Variants in CRACDL observed in about 807,000 individuals in gnomAD.
CRACDL encodes the protein CRACD like.
CRACDL carries 26 observed loss-of-function variants against 70.6 expected under a neutral mutation model. The observed-to-expected ratio is 0.37, with a 90% CI of 0.27 to 0.51. CRACDL has a LOEUF of 0.51. Among genes scored for constraint, CRACDL ranks in the 20% least tolerant of loss-of-function variants. The pLI is 0.94. For missense variants in CRACDL, 1,283 were observed against 1,376.9 expected (o/e 0.93, Z 1.08); for synonymous variants, 618 against 615.2 (o/e 1.00, Z -0.07).
intron 1 of CRACDL, among the ~76,000 whole-genome samples, chr2:98,860,566 T>C (rs1479621957): frequency 6.6e-6 from 1 of 152,144 alleles, no homozygotes; most frequent in Non-Finnish European, 1.5e-5. Context: ...CAAGTAGACA[T>C]CGACATGCAA....
intron 1 of CRACDL, among the ~76,000 whole-genome samples, chr2:98,854,297 A>AAG (rs1553561465): frequency 5.0e-4 from 75 of 149,034 alleles, no homozygotes; most frequent in African/African-American, 1.8e-3. Flanking sequence ...AAAAAAAAAA[A>AAG]AAAGAAAGAA....
intron 1 of CRACDL, among the ~76,000 whole-genome samples, chr2:98,929,292 C>T (rs114356127): frequency 0.017 from 2,597 of 152,272 alleles, 28 homozygotes; most frequent in Middle Eastern, 0.034. Context: ...AGGGAGAGAA[C>T]CCGAGAGCCA....
intron 1 of CRACDL, among the ~76,000 whole-genome samples, chr2:98,883,063 G>C (rs1275749106): frequency 6.6e-6 from 1 of 152,242 alleles, no homozygotes; most frequent in African/African-American, 2.4e-5. Flanking sequence ...ACCTAGCAAA[G>C]GATGAAGCGT....
intron 1 of CRACDL, among the ~76,000 whole-genome samples, chr2:98,882,990 C>T (rs1282438656): frequency 6.6e-6 from 1 of 152,166 alleles, no homozygotes; most frequent in African/African-American, 2.4e-5. Context: ...CAAGCTTTGG[C>T]CCATCCCCTG....
chr2:98,854,544 G>T (rs548705883), intron 1 of CRACDL, among the ~76,000 whole-genome samples: 1 of 151,762 alleles, frequency 6.6e-6, no homozygotes, highest in Non-Finnish European at 1.5e-5. Context: ...GTAAGTGACT[G>T]GTAGAGAGAA....
intron 7 of CRACDL, among the ~76,000 whole-genome samples, chr2:98,804,901 T>C (rs1014852527): frequency 2.6e-5 from 4 of 152,230 alleles, no homozygotes; most frequent in Non-Finnish European, 5.9e-5. Context: ...ACTTGCTAAG[T>C]TAGCTTGCAG....
chr2:98,881,059 C>A (rs1034234278), intron 1 of CRACDL, among the ~76,000 whole-genome samples: 1 of 152,172 alleles, frequency 6.6e-6, no homozygotes, highest in Non-Finnish European at 1.5e-5. Context: ...AGAGCCGACA[C>A]GTCAGATGGG....
intron 1 of CRACDL, among the ~76,000 whole-genome samples, chr2:98,850,288 G>A (rs1033127738): frequency 1.3e-5 from 2 of 152,222 alleles, no homozygotes; most frequent in African/African-American, 4.8e-5. Flanking sequence ...GGCTGCAAAG[G>A]TGGAGAACTG....
intron 3 of CRACDL, among the ~76,000 whole-genome samples, chr2:98,836,990 CAGG>C (rs914168428): frequency 6.6e-6 from 1 of 151,284 alleles, no homozygotes; most frequent in African/African-American, 2.4e-5. Flanking sequence ...GAGGCTGAGG[CAGG>C]AGGATGGCGT....
At chr2:98,856,710 A>T (rs1359393035) in intron 1 of CRACDL, among the ~76,000 whole-genome samples, 1 of 152,216 alleles carries the variant, frequency 6.6e-6, no homozygotes, top group Non-Finnish European at 1.5e-5. Context: ...GAGGGTAGAA[A>T]TGAAATTTTG....
chr2:98,822,968 G>T lies in CRACDL; in HGVS notation c.1305C>A (p.Val435=), dbSNP rs1705144073. 3.4e-6 allele frequency: 5 copies of T among 1,484,358 alleles called. No individual in the cohort carries two copies. The highest frequency in any genetic ancestry group is 2.6e-5 in the South Asian group (2 of 76,516). 91.9% of individuals were successfully genotyped at this position (1,484,358 alleles called of 1,614,324 possible). ...GCGGCGTCGGCTCCGCTTCCTTCGGGACACTGCGTTCTGGCCCGTCGCGAG... is the reference window on the plus strand; with the variant it reads ...GCGGCGTCGGCTCCGCTTCCTTCGGTACACTGCGTTCTGGCCCGTCGCGAG... ...PSARDGPERS[V]PKEAEPTPPV... is the part of the protein sequence containing the mutation. The change falls in exon 7 of 10, where the codon GTC becomes GTA. Residue 435 remains valine (V), a synonymous_variant. Coordinates refer to ENST00000397899, the MANE Select transcript of CRACDL (RefSeq NM_207362.3). The surrounding 1 kb of genome is among the most constrained non-coding windows in gnomAD (Gnocchi z 4.9).
chr2:98,836,977 C>G (rs138415320), intron 3 of CRACDL, among the ~76,000 whole-genome samples: 4 of 151,330 alleles, frequency 2.6e-5, no homozygotes, highest in African/African-American at 9.7e-5. Flanking sequence ...CCCAGCTACT[C>G]GGGAGGCTGA....
chr2:98,868,415 C>T (rs1383108650), intron 1 of CRACDL, among the ~76,000 whole-genome samples: 1 of 152,190 alleles, frequency 6.6e-6, no homozygotes, highest in African/African-American at 2.4e-5. Context: ...ATGAGAAACA[C>T]AAATCTGTTT....
At chr2:98,853,859 AC>A (rs1706583792) in intron 1 of CRACDL, among the ~76,000 whole-genome samples, 1 of 152,226 alleles carries the variant, frequency 6.6e-6, no homozygotes, top group African/African-American at 2.4e-5. Context: ...TAGAGAAAAC[AC>A]TAAAAAATTT....
intron 7 of CRACDL, among the ~76,000 whole-genome samples, chr2:98,811,607 C>T (rs771424363): frequency 1.7e-4 from 26 of 151,252 alleles, no homozygotes; most frequent in Non-Finnish European, 3.7e-4. Flanking sequence ...AATTTTAACA[C>T]GTTTAGCTTC....
At chr2:98,802,201 C>G (rs551161355) in intron 7 of CRACDL, among the ~76,000 whole-genome samples, 1 of 152,260 alleles carries the variant, frequency 6.6e-6, no homozygotes, top group Non-Finnish European at 1.5e-5. Context: ...CGGGTCTGAT[C>G]GGGGCTGCCC....
intron 1 of CRACDL, among the ~76,000 whole-genome samples, chr2:98,883,266 G>C (rs567013709): frequency 2.0e-5 from 3 of 152,214 alleles, no homozygotes; most frequent in Non-Finnish European, 2.9e-5. Context: ...AAGACAGAAG[G>C]CTCCATGCCA....
intron 1 of CRACDL, among the ~76,000 whole-genome samples, chr2:98,896,434 T>C (rs1046868026): frequency 1.3e-5 from 2 of 152,054 alleles, no homozygotes; most frequent in Non-Finnish European, 2.9e-5. Context: ...CAAAAGGAAA[T>C]AAATCCTGAG....
chr2:98,841,814 C>T (rs1420952835), intron 2 of CRACDL, among the ~76,000 whole-genome samples: 1 of 152,156 alleles, frequency 6.6e-6, no homozygotes, highest in Non-Finnish European at 1.5e-5. Context: ...ATGGCAAAAA[C>T]AGCAATTACT....
Sources: allele counts gnomAD v4.1 joint callset (sites outside exome capture counted in the v4.1 genomes callset), GRCh38; gene constraint gnomAD v4.1.1; non-coding constraint Gnocchi (gnomAD v3.1); transcripts MANE v1.5; gene names NCBI Gene and HGNC (gene_info 2026-07-23, HGNC 2026-07-21).